The following TRAF3IP2 variants were observed in gnomAD, a reference collection of about 807,000 sequenced individuals.
TRAF3IP2 encodes the protein TRAF3 interacting protein 2.
TRAF3IP2 carries 35 observed loss-of-function variants against 57.9 expected under a neutral mutation model. The observed-to-expected ratio is 0.60, with a 90% CI of 0.46 to 0.80. The LOEUF (loss-of-function observed/expected upper bound fraction) is 0.80. Among genes scored for constraint, TRAF3IP2 ranks in the 30% least tolerant of loss-of-function variants. The probability of loss-of-function intolerance (pLI) is 0.00; values close to 1 mark genes in which losing one functional copy is unlikely to be tolerated. For missense variants in TRAF3IP2, 556 were observed against 706.4 expected (o/e 0.79, Z 2.41); for synonymous variants, 251 against 268.9 (o/e 0.93, Z 0.65).
chr6:111,575,344 T>C (rs753164704), intron 4 of TRAF3IP2, among the ~76,000 whole-genome samples: 8 of 152,074 alleles, frequency 5.3e-5, no homozygotes, highest in Non-Finnish European at 1.0e-4. Context: ...ATCCCAGCAC[T>C]GTGGGAGGCC....
intron 7 of TRAF3IP2, among the ~76,000 whole-genome samples, chr6:111,564,261 G>A (rs532624845): frequency 1.3e-3 from 200 of 152,118 alleles, no homozygotes; most frequent in African/African-American, 4.6e-3. Context: ...ATAACACCAA[G>A]AACATATTTT....
Position 111,558,359 on chromosome 6 carries a change from G to C in TRAF3IP2, c.*1046C>G, listed in dbSNP as rs888193751. On this transcript the variant is annotated 3_prime_UTR_variant, in exon 9 of 9. Transcript: ENST00000368761. ...TTTTACCTATGTAGTCAGATCCTGAGAACCATAATCATACTATTTAGAATC... is the reference window on the plus strand; with the variant it reads ...TTTTACCTATGTAGTCAGATCCTGACAACCATAATCATACTATTTAGAATC... 1.3e-5 allele frequency: 2 copies of C among 152,220 alleles called. No individual in the cohort carries two copies. The highest frequency in any genetic ancestry group is 4.8e-5 in the African/African-American group (2 of 41,450). The allele number at this position is 152,220 out of a possible 1,614,324, so 9.4% of individuals were successfully genotyped here.
intron 5 of TRAF3IP2, among the ~76,000 whole-genome samples, chr6:111,568,706 GCCATCCATGAT>G (rs1271505143): frequency 1.3e-5 from 2 of 152,080 alleles, no homozygotes; most frequent in Non-Finnish European, 1.5e-5. Flanking sequence ...CACTTGAAAA[GCCATCCATGAT>G]CCATCCATGA....
At chr6:111,596,578 C>T (rs1396488630) in intron 1 of TRAF3IP2, among the ~76,000 whole-genome samples, 7 of 152,328 alleles carry the variant, frequency 4.6e-5, no homozygotes, top group East Asian at 1.9e-4. Context: ...CTCAGCCTCC[C>T]GAGTAGCTGT....
intron 2 of TRAF3IP2, among the ~76,000 whole-genome samples, chr6:111,583,086 AC>A (rs1194811420): frequency 1.1e-4 from 16 of 152,294 alleles, no homozygotes; most frequent in African/African-American, 3.9e-4. Flanking sequence ...AGTAAGCATG[AC>A]TTTTACCTGT....
At chr6:111,580,433 G>A (rs756724321) in intron 2 of TRAF3IP2, 44 bp from the exon 3 acceptor site, 3 of 1,496,698 alleles carry the variant, frequency 2.0e-6, no homozygotes, top group African/African-American at 1.4e-5. Flanking sequence ...ATCAACTCTA[G>A]CTCCTTCGTG....
rs377585744 is a variant in TRAF3IP2, at chr6:111,559,547, T to C, written c.1556A>G (p.His519Arg). 1 of 1,613,928 alleles carries C rather than the reference T, an allele frequency of 6.2e-7. No homozygotes were observed. Among genetic ancestry groups the C allele is most frequent in the Non-Finnish European group, 8.5e-7 (1 of 1,179,990 alleles). The change falls in exon 9 of 9, where the codon CAT becomes CGT. Residue 519 changes from histidine to arginine, a missense_variant. His to Arg is a conservative substitution (Grantham distance 29). Transcript: ENST00000368761. ...PVLFPNAKKEHVPTWLQNTHV... is the reference protein window; with the variant it reads ...PVLFPNAKKERVPTWLQNTHV... Reference sequence around the variant, plus strand: ...AGTGTTCTGAAGCCAGGTGGGCACATGCTCCTATGGGAGGCAGAATGACAG... The same window carrying C: ...AGTGTTCTGAAGCCAGGTGGGCACACGCTCCTATGGGAGGCAGAATGACAG...
rs1382772015 is a variant in TRAF3IP2 at position 111,556,403 on chromosome 6, T to C, written c.*3002A>G. On this transcript the variant is annotated 3_prime_UTR_variant, in exon 9 of 9. Transcript: ENST00000368761. ...GGTCTCTGAAGGGAGGAAGGGTTAA[T>C]AACATCACATTGCTAAGTCTTTGCA... 1 of 152,184 alleles carries C rather than the reference T, an allele frequency of 6.6e-6. No homozygotes were observed. The highest frequency in any genetic ancestry group is 2.4e-5 in the African/African-American group (1 of 41,434). The allele number at this position is 152,184 out of a possible 1,614,324, so 9.4% of individuals were successfully genotyped here. A position where few individuals can be genotyped will look rare whatever the true frequency, so the allele number is the denominator to read the frequency against.
chr6:111,567,749 G>C lies in TRAF3IP2; in HGVS notation c.1291-57C>G, dbSNP rs139514570. ...TAATGAGAGGTTCTCTCAAGATGCAGAGCAGAAGAAAACACAATACTATAT... is the reference window on the plus strand; with the variant it reads ...TAATGAGAGGTTCTCTCAAGATGCACAGCAGAAGAAAACACAATACTATAT... On this transcript the variant is annotated intron_variant, in intron 5 of 8. Coordinates refer to ENST00000368761, the MANE Select transcript of TRAF3IP2 (RefSeq NM_147686.4). The C allele has an allele frequency of 8.2e-4, 1,192 of 1,445,228 alleles. 14 individuals carry two copies. The African/African-American group carries it at 0.015, about 19-fold the overall frequency. 89.5% of individuals were successfully genotyped at this position (1,445,228 alleles called of 1,614,324 possible). A position where few individuals can be genotyped will look rare whatever the true frequency, so the allele number is the denominator to read the frequency against.
At chr6:111,568,862 A>C (rs956812191) in intron 5 of TRAF3IP2, among the ~76,000 whole-genome samples, 2 of 152,136 alleles carry the variant, frequency 1.3e-5, no homozygotes, top group African/African-American at 4.8e-5. Context: ...TCCTTCCCAC[A>C]TGCCAATCTC....
chr6:111,583,679 A>G (rs1796234090), intron 2 of TRAF3IP2, among the ~76,000 whole-genome samples: 2 of 152,216 alleles, frequency 1.3e-5, no homozygotes, highest in African/African-American at 4.8e-5. Flanking sequence ...TAATTATTTC[A>G]TTATATATTA....
At chr6:111,561,547 C>T (rs567557495) in intron 8 of TRAF3IP2, among the ~76,000 whole-genome samples, 10 of 152,018 alleles carry the variant, frequency 6.6e-5, no homozygotes, top group South Asian at 6.2e-4. Flanking sequence ...TGCAAGCAGA[C>T]GGAACAGAAA....
chr6:111,600,639 TA>T (rs1215781070), intron 1 of TRAF3IP2: 3 of 152,274 alleles, frequency 2.0e-5, no homozygotes, highest in Admixed American at 6.5e-5. Flanking sequence ...TTTTTATTTT[TA>T]TTTTTTTTAA....
intron 5 of TRAF3IP2, among the ~76,000 whole-genome samples, chr6:111,567,977 C>A (rs1177305542): frequency 6.6e-6 from 1 of 152,126 alleles, no homozygotes; most frequent in Non-Finnish European, 1.5e-5. Context: ...TTTTAAAAAT[C>A]TGAGGGACAC....
At chr6:111,588,985 T>G (rs576084655) in intron 2 of TRAF3IP2, among the ~76,000 whole-genome samples, 1 of 152,176 alleles carries the variant, frequency 6.6e-6, no homozygotes, top group African/African-American at 2.4e-5. Context: ...GGCAGAAATA[T>G]GAAAACTTTT....
Position 111,558,764 on chromosome 6 carries a change from C to T in TRAF3IP2, c.*641G>A, listed in dbSNP as rs1411004874. 6.6e-6 allele frequency: 1 copy of T among 151,378 alleles called. No individual in the cohort carries two copies. Among genetic ancestry groups the T allele is most frequent in the Non-Finnish European group, 1.5e-5 (1 of 68,010 alleles). The allele number at this position is 151,378 out of a possible 1,614,324, so 9.4% of individuals were successfully genotyped here. ...AATCTTTATTGCAAGAATAAAGCTT[C>T]CATGATTATGGTTAAAAAGGGTTGT... On this transcript the variant is annotated 3_prime_UTR_variant, in exon 9 of 9. Transcript: ENST00000368761.
At chr6:111,603,669 T>C (rs1583252082) in intron 1 of TRAF3IP2, among the ~76,000 whole-genome samples, 2 of 152,260 alleles carry the variant, frequency 1.3e-5, no homozygotes, top group Admixed American at 1.3e-4. Context: ...CCTCTTCTTT[T>C]TCTTTTCAGA....
chr6:111,601,296 T>C (rs1796855846), intron 1 of TRAF3IP2: 1 of 705,026 alleles, frequency 1.4e-6, no homozygotes, highest in African/African-American at 1.7e-5. Context: ...CACAAGAGGA[T>C]ACAGATGAGG....
Position 111,566,480 on chromosome 6 carries a change from A to G in TRAF3IP2, c.1440T>C (p.Asp480=), listed in dbSNP as rs141459820. 1 of 1,614,066 alleles carries G rather than the reference A, an allele frequency of 6.2e-7. No individual in the cohort carries two copies. The highest frequency in any genetic ancestry group is 1.3e-5 in the African/African-American group (1 of 74,922). The change falls in exon 7 of 9, where the codon GAT becomes GAC. Residue 480 remains aspartate (D), a synonymous_variant. Coordinates refer to ENST00000368761, the MANE Select transcript of TRAF3IP2 (RefSeq NM_147686.4). ...TGTACTTAGTATGTAAGCCATGCTC[A>G]TCCTCGTCCAGCTGCGACTCAGCGC... ...VEGAESQLDE[D]EHGLHTKYIH...
Sources: allele counts gnomAD v4.1 joint callset (sites outside exome capture counted in the v4.1 genomes callset), GRCh38; gene constraint gnomAD v4.1.1; transcripts MANE v1.5; gene names NCBI Gene and HGNC (gene_info 2026-07-23, HGNC 2026-07-21).